CCDC178: variants seen among roughly 807,000 people sequenced by gnomAD.
CCDC178 encodes coiled-coil domain-containing protein 178.
Under a neutral mutation model 117.4 loss-of-function variants are expected in CCDC178, and 126 were observed. The observed-to-expected ratio is 1.07, with a 90% CI of 0.93 to 1.24. The LOEUF (loss-of-function observed/expected upper bound fraction) is 1.24. CCDC178 is among the 50% of genes most tolerant of loss of function. CCDC178 has a pLI of 0.00. For synonymous variants in CCDC178, 283 were observed against 313.4 expected (o/e 0.90, Z 1.02); for missense variants, 1,030 against 986.9 (o/e 1.04, Z -0.59).
At chr18:33,000,240 G>C (rs2055603188) in intron 21 of CCDC178, among the ~76,000 whole-genome samples, 1 of 151,834 alleles carries the variant, frequency 6.6e-6, no homozygotes, top group African/African-American at 2.4e-5. Flanking sequence ...GAAGGATCAA[G>C]CAGAAGAAAG....
At position 33,030,366 on chromosome 18, in the gene CCDC178, T is replaced by C. The variant is rs570021229; in HGVS notation, c.2389-55685A>G. Among the ~76,000 whole-genome samples the C allele has an allele frequency of 1.8e-3, 268 of 152,210 alleles. 6 individuals carry two copies. Among genetic ancestry groups the C allele is most frequent in the Admixed American group, 0.017 (252 of 15,264 alleles). On this transcript the variant is annotated intron_variant, in intron 21 of 22. Transcript: ENST00000383096. The stretch of plus-strand genomic sequence containing the variant: ...TTGTATATTGAATCTAAATTATCTC[T>C]TATACGTAGGAGTATGTAGTTGAAT...
chr18:33,363,558 A>G (rs1370935175), intron 6 of CCDC178, among the ~76,000 whole-genome samples: 1 of 152,046 alleles, frequency 6.6e-6, no homozygotes, highest in Non-Finnish European at 1.5e-5. Flanking sequence ...TGCTGATAAA[A>G]TTCAGAATTT....
intron 21 of CCDC178, among the ~76,000 whole-genome samples, chr18:33,033,761 T>G (rs936042920): frequency 6.6e-6 from 1 of 152,002 alleles, no homozygotes; most frequent in African/African-American, 2.4e-5. Context: ...TCTGTCTTTA[T>G]GCAAGAATTA....
At chr18:32,942,268 G>T (rs977527523) in intron 22 of CCDC178, among the ~76,000 whole-genome samples, 1 of 151,990 alleles carries the variant, frequency 6.6e-6, no homozygotes, top group African/African-American at 2.4e-5. Flanking sequence ...TTTGAATATC[G>T]CCATACATGT....
At chr18:33,222,052 T>G (rs2059241147) in intron 18 of CCDC178, among the ~76,000 whole-genome samples, 1 of 152,138 alleles carries the variant, frequency 6.6e-6, no homozygotes, top group Non-Finnish European at 1.5e-5. Context: ...TGCTCACTAG[T>G]TTAAGCATGT....
intron 15 of CCDC178, among the ~76,000 whole-genome samples, chr18:33,237,996 C>T (rs1394450701): frequency 6.6e-6 from 1 of 152,218 alleles, no homozygotes; most frequent in African/African-American, 2.4e-5. Context: ...CACACCACCA[C>T]AGATTCTCTC....
chr18:33,392,188 C>CA (rs1366330068), intron 4 of CCDC178, among the ~76,000 whole-genome samples: 4 of 151,664 alleles, frequency 2.6e-5, no homozygotes, highest in Admixed American at 2.0e-4. Flanking sequence ...TCTAAAACTG[C>CA]AAAAAAAATC....
intron 20 of CCDC178, among the ~76,000 whole-genome samples, chr18:33,207,808 G>C (rs138209371): frequency 6.6e-4 from 101 of 152,126 alleles, no homozygotes; most frequent in Middle Eastern, 3.4e-3. Flanking sequence ...CATGATGCTA[G>C]AGAGAGATTT....
chr18:33,275,253 T>C (rs1238551602), intron 12 of CCDC178, among the ~76,000 whole-genome samples: 1 of 151,962 alleles, frequency 6.6e-6, no homozygotes, highest in African/African-American at 2.4e-5. Context: ...GCTCCTAATA[T>C]ATAAATATAT....
At chr18:33,401,022 G>A (rs977142414) in intron 3 of CCDC178, among the ~76,000 whole-genome samples, 25 of 152,134 alleles carry the variant, frequency 1.6e-4, no homozygotes, top group Non-Finnish European at 3.5e-4. Context: ...AGAGGCTACA[G>A]GAGAGAGAAA....
intron 20 of CCDC178, among the ~76,000 whole-genome samples, chr18:33,154,793 T>C (rs2058376225): frequency 6.6e-6 from 1 of 152,138 alleles, no homozygotes; most frequent in African/African-American, 2.4e-5. Flanking sequence ...TGGAATATTA[T>C]CAGTGATAAA....
chr18:33,348,976 C>CCATT lies in CCDC178; in HGVS notation c.372-2_372-1insAATG, dbSNP rs762414920. 32 of 1,596,346 alleles carry CCATT rather than the reference C, an allele frequency of 2.0e-5. No homozygotes were observed. Among genetic ancestry groups the CCATT allele is most frequent in the Admixed American group, 3.4e-5 (2 of 57,998 alleles). ...GTCTTTTGTGGAAGAAGTTCTGCTC[C>CCATT]TATATAATGGGAAAGAAGCAAGCAG... On this transcript the variant is annotated splice_acceptor_variant, in intron 7 of 22. Coordinates refer to ENST00000383096, the MANE Select transcript of CCDC178 (RefSeq NM_001105528.4). LOFTEE classifies it high-confidence loss of function.
intron 20 of CCDC178, among the ~76,000 whole-genome samples, chr18:33,139,852 AATGTCTCCAGGGC>A (rs1232168925): frequency 1.3e-5 from 2 of 152,134 alleles, no homozygotes; most frequent in Non-Finnish European, 2.9e-5. Context: ...CAATGGGGAA[AATGTCTCCAGGGC>A]ATGTCTCCAG....
intron 20 of CCDC178, among the ~76,000 whole-genome samples, chr18:33,175,042 ATT>A (rs561300705): frequency 5.3e-4 from 67 of 127,034 alleles, no homozygotes; most frequent in African/African-American, 1.7e-3. Context: ...TTATTTTTTT[ATT>A]TTTTTTGGTA....
At chr18:33,145,569 A>C (rs1253093190) in intron 20 of CCDC178, among the ~76,000 whole-genome samples, 8 of 152,232 alleles carry the variant, frequency 5.3e-5, no homozygotes, top group Admixed American at 3.3e-4. Context: ...AATGGGAGAC[A>C]TCGGCTGCTT....
Position 33,201,736 on chromosome 18 carries a change from G to A in CCDC178, c.2238+10160C>T, listed in dbSNP as rs201989549. On this transcript the variant is annotated intron_variant, in intron 20 of 22. Transcript: ENST00000383096. ...CGCTGACAAGAGCCACAAACAGACA[G>A]GAAGCTAAAGGAAGCAAGCAGTAAG... Among the ~76,000 whole-genome samples, 9 of 152,234 alleles carry A rather than the reference G, an allele frequency of 5.9e-5. No individual in the cohort carries two copies. The East Asian group carries it at 1.5e-3, about 26-fold the overall frequency.
At chr18:33,319,574 G>A (rs2062474341) in intron 11 of CCDC178, among the ~76,000 whole-genome samples, 1 of 152,064 alleles carries the variant, frequency 6.6e-6, no homozygotes, top group Admixed American at 6.5e-5. Flanking sequence ...GGATGGCTGG[G>A]TCAAATGGTA....
intron 20 of CCDC178, among the ~76,000 whole-genome samples, chr18:33,201,111 G>A (rs575216994): frequency 1.3e-5 from 2 of 152,264 alleles, no homozygotes; most frequent in Admixed American, 6.5e-5. Context: ...ACAGGAGTGA[G>A]GTATTATTCT....
intron 22 of CCDC178, 129 bp downstream of exon 22, chr18:32,974,412 ATTCCAG>A: frequency 1.3e-6 from 1 of 748,574 alleles, no homozygotes; most frequent in Non-Finnish European, 2.2e-6. Context: ...TCTTCATGCA[ATTCCAG>A]TTTATTAAAG....
Sources: allele counts gnomAD v4.1 joint callset (sites outside exome capture counted in the v4.1 genomes callset), GRCh38; gene constraint gnomAD v4.1.1; transcripts MANE v1.5; gene names NCBI Gene and HGNC (gene_info 2026-07-23, HGNC 2026-07-21).